SSBP3: variants seen among roughly 807,000 people sequenced by gnomAD.
The protein encoded by SSBP3 is single-stranded DNA-binding protein 3.
In SSBP3, 5 loss-of-function variants were observed where a neutral mutation model predicts 69.6. The ratio of observed to expected loss-of-function variants is 0.07; its 90% CI spans 0.04 to 0.15. The LOEUF (loss-of-function observed/expected upper bound fraction) is 0.15, where lower values mean the gene tolerates loss of function less well. Among genes scored for constraint, SSBP3 ranks in the 10% least tolerant of loss-of-function variants. The pLI, the probability that SSBP3 is intolerant of heterozygous loss-of-function variation, is 1.00. For synonymous variants in SSBP3, 196 were observed against 193.4 expected (o/e 1.01, Z -0.11); for missense variants, 312 against 534.0 (o/e 0.58, Z 4.10).
rs574654589 is a variant in SSBP3 at position 54,273,187 on chromosome 1, G to A, written c.366+8251C>T. 8.5e-5 allele frequency among the ~76,000 whole-genome samples: 13 copies of A among 152,370 alleles called. No homozygotes were observed. In the South Asian group the frequency reaches 1.7e-3, roughly 19 times the overall value. The stretch of plus-strand genomic sequence containing the variant: ...CTGCCTGCTGATGCATAGCTAACTG[G>A]GCGGCAGACATTGATTTATGTTCAA... On this transcript the variant is annotated intron_variant, in intron 5 of 17. Transcript: ENST00000610401.
At chr1:54,346,771 C>T (rs943620798) in intron 4 of SSBP3, among the ~76,000 whole-genome samples, 3 of 150,820 alleles carry the variant, frequency 2.0e-5, no homozygotes, top group Admixed American at 6.6e-5. Context: ...GCCGAGATTG[C>T]ACCACTGCAC....
intron 4 of SSBP3, among the ~76,000 whole-genome samples, chr1:54,281,842 A>C: frequency 6.6e-6 from 1 of 151,950 alleles, no homozygotes; most frequent in Non-Finnish European, 1.5e-5. Flanking sequence ...CACAACTAAA[A>C]TCCCAGCACT....
intron 4 of SSBP3, among the ~76,000 whole-genome samples, chr1:54,335,017 C>G (rs3855970): frequency 6.6e-6 from 1 of 152,120 alleles, no homozygotes; most frequent in African/African-American, 2.4e-5. Flanking sequence ...GGCACTGCCC[C>G]GGGAAGAGCT....
At chr1:54,303,826 C>A (rs537861644) in intron 4 of SSBP3, among the ~76,000 whole-genome samples, 5 of 152,322 alleles carry the variant, frequency 3.3e-5, no homozygotes, top group Admixed American at 1.3e-4. Context: ...TGACATCTTA[C>A]AGTGCTATTT....
At chr1:54,228,554 C>T (rs561283069) in intron 15 of SSBP3, 77 bp from the exon 16 acceptor site, 28 of 1,591,248 alleles carry the variant, frequency 1.8e-5, no homozygotes, top group South Asian at 3.4e-5. Context: ...CTGGGCTCCT[C>T]GGGCCTCTAA....
At chr1:54,263,185 C>T (rs643428) in intron 5 of SSBP3, among the ~76,000 whole-genome samples, 90,761 of 151,582 alleles carry the variant, frequency 0.6, 27,519 homozygotes, top group South Asian at 0.74. Flanking sequence ...TTTACCCACA[C>T]TGACAGCGTG....
intron 4 of SSBP3, among the ~76,000 whole-genome samples, chr1:54,340,886 CA>C (rs1334970776): frequency 2.0e-5 from 3 of 152,224 alleles, no homozygotes; most frequent in African/African-American, 7.2e-5. Context: ...ATCCAAGAAA[CA>C]AGGCTGTCAT....
At chr1:54,383,004 A>G (rs1161291838) in intron 4 of SSBP3, among the ~76,000 whole-genome samples, 2 of 149,004 alleles carry the variant, frequency 1.3e-5, no homozygotes, top group African/African-American at 2.5e-5. Flanking sequence ...AAAAAAAAGA[A>G]GAGAGAGAGA....
chr1:54,287,627 G>A (rs141532582), intron 4 of SSBP3, among the ~76,000 whole-genome samples: 1 of 152,092 alleles, frequency 6.6e-6, no homozygotes, highest in Non-Finnish European at 1.5e-5. Context: ...AGGGGCTTCT[G>A]TGCAAACTAT....
intron 5 of SSBP3, among the ~76,000 whole-genome samples, chr1:54,262,953 T>C (rs1645040796): frequency 6.6e-6 from 1 of 152,188 alleles, no homozygotes; most frequent in Non-Finnish European, 1.5e-5. Context: ...CGCTATTCCA[T>C]CTCAGCTGGC....
intron 1 of SSBP3, among the ~76,000 whole-genome samples, chr1:54,412,073 T>G (rs569351173): frequency 1.3e-5 from 2 of 152,238 alleles, no homozygotes; most frequent in South Asian, 4.2e-4. Flanking sequence ...ACTTTGCTCT[T>G]GCTGGTCACT....
At chr1:54,241,769 C>T (rs964590686) in intron 11 of SSBP3, among the ~76,000 whole-genome samples, 1 of 152,206 alleles carries the variant, frequency 6.6e-6, no homozygotes, top group African/African-American at 2.4e-5. Context: ...CATAGAAGGC[C>T]CTCCGGTTTG....
intron 4 of SSBP3, among the ~76,000 whole-genome samples, chr1:54,368,735 T>A (rs1159917393): frequency 1.3e-5 from 2 of 152,218 alleles, no homozygotes; most frequent in Non-Finnish European, 2.9e-5. Flanking sequence ...AGACCCTTTA[T>A]TGAAATGTGC....
At position 54,304,042 on chromosome 1, in the gene SSBP3, C is replaced by T. The variant is rs140707179; in HGVS notation, c.277-22515G>A. ...AGCACGGAGACAGAGGACAGGAGAC[C>T]GGAGAAGGTGGCCCTTGTCAAGTTT... On this transcript the variant is annotated intron_variant, in intron 4 of 17. Coordinates refer to ENST00000610401, the Ensembl canonical transcript of SSBP3. Among the ~76,000 whole-genome samples, 1,440 of 152,152 alleles carry T rather than the reference C, an allele frequency of 9.5e-3. 12 individuals carry two copies. The highest frequency in any genetic ancestry group is 0.031 in the Middle Eastern group (9 of 294).
chr1:54,259,985 C>T (rs903525235), intron 5 of SSBP3, among the ~76,000 whole-genome samples: 7 of 152,346 alleles, frequency 4.6e-5, no homozygotes, highest in African/African-American at 1.7e-4. Context: ...TGTTTAGCGG[C>T]TTTCCCAAAC....
chr1:54,402,665 G>A (rs535385503), intron 3 of SSBP3, among the ~76,000 whole-genome samples: 3 of 152,084 alleles, frequency 2.0e-5, no homozygotes, highest in Non-Finnish European at 4.4e-5. Context: ...GCAGTAGAGG[G>A]CCCTCTTCAC....
At chr1:54,404,613 A>C in exon 3 of SSBP3, 1 of 1,613,718 alleles carries the variant, frequency 6.2e-7, no homozygotes, top group Non-Finnish European at 8.5e-7. Context: ...GGTTCTCCCA[A>C]CGTGATGTTT....
rs571953813 is a variant in SSBP3, at chr1:54,293,827, T to A, written c.277-12300A>T. The stretch of plus-strand genomic sequence containing the variant: ...GCTCAGTAAATATTTTTTGGATAAA[T>A]AAAATTCTTGCAGAAATCCTGCTTT... On this transcript the variant is annotated intron_variant, in intron 4 of 17. Coordinates refer to ENST00000610401, the Ensembl canonical transcript of SSBP3. Among the ~76,000 whole-genome samples the A allele has an allele frequency of 2.6e-5, 4 of 152,258 alleles. No individual in the cohort carries two copies. In the South Asian group the frequency reaches 8.3e-4, roughly 32 times the overall value.
intron 4 of SSBP3, among the ~76,000 whole-genome samples, chr1:54,291,370 C>T (rs1387429736): frequency 6.6e-6 from 1 of 152,106 alleles, no homozygotes; most frequent in Non-Finnish European, 1.5e-5. Context: ...TAATTCAAAC[C>T]CAACACTGCC....
Sources: allele counts gnomAD v4.1 joint callset (sites outside exome capture counted in the v4.1 genomes callset), GRCh38; gene constraint gnomAD v4.1.1; transcripts MANE v1.5; gene names NCBI Gene and HGNC (gene_info 2026-07-23, HGNC 2026-07-21).